SEMA5A: variants seen among roughly 807,000 people sequenced by gnomAD.
SEMA5A encodes semaphorin-5A.
A neutral mutation model predicts 135.5 loss-of-function variants in SEMA5A; 55 were observed. That is an observed-to-expected ratio of 0.41 (90% confidence interval 0.33 to 0.51). The LOEUF is 0.51. Ranked by LOEUF, SEMA5A falls within the 20% of genes least tolerant of loss-of-function variation. The probability of loss-of-function intolerance (pLI) is 0.37; values close to 1 mark genes in which losing one functional copy is unlikely to be tolerated. For synonymous variants in SEMA5A, 580 were observed against 546.5 expected (o/e 1.06, Z -0.85); for missense variants, 1,290 against 1,419.9 (o/e 0.91, Z 1.47).
chr5:9,317,322 G>A lies in SEMA5A; in HGVS notation c.270+1050C>T, dbSNP rs190216966. Among the ~76,000 whole-genome samples the A allele has an allele frequency of 2.0e-3, 308 of 151,938 alleles. 5 individuals carry two copies. The highest frequency in any genetic ancestry group is 6.6e-3 in the African/African-American group (273 of 41,452). On this transcript the variant is annotated intron_variant, in intron 5 of 22. Transcript: ENST00000382496. Reference sequence around the variant, plus strand: ...TTGCAATGTTTTATCTCTTTTGAACGTCTTACTTATTTTTCGCCATGCTAG... The same window carrying A: ...TTGCAATGTTTTATCTCTTTTGAACATCTTACTTATTTTTCGCCATGCTAG...
At chr5:9,385,693 C>A (rs76977509) in intron 2 of SEMA5A, among the ~76,000 whole-genome samples, 11 of 151,468 alleles carry the variant, frequency 7.3e-5, no homozygotes, top group Non-Finnish European at 1.5e-4. Context: ...AAGGCTGAAG[C>A]GATTGCTGCA....
At chr5:9,501,786 C>T (rs1364550054) in intron 1 of SEMA5A, among the ~76,000 whole-genome samples, 1 of 152,194 alleles carries the variant, frequency 6.6e-6, no homozygotes, top group Non-Finnish European at 1.5e-5. Context: ...ACTCAGGACA[C>T]ATAGCTGTTA....
intron 1 of SEMA5A, among the ~76,000 whole-genome samples, chr5:9,488,021 T>C (rs1426860809): frequency 1.3e-5 from 2 of 152,186 alleles, no homozygotes; most frequent in South Asian, 4.1e-4. Flanking sequence ...TTTATCCAGC[T>C]GTATTGCATA....
At chr5:9,424,486 C>T (rs145056888) in intron 2 of SEMA5A, among the ~76,000 whole-genome samples, 297 of 152,336 alleles carry the variant, frequency 1.9e-3, no homozygotes, top group Middle Eastern at 3.4e-3. Context: ...GGATTTCAAA[C>T]ATACTGCCAA....
intron 1 of SEMA5A, among the ~76,000 whole-genome samples, chr5:9,526,000 A>G (rs1737102504): frequency 6.6e-6 from 1 of 152,208 alleles, no homozygotes; most frequent in African/African-American, 2.4e-5. Context: ...CACTTTAAAG[A>G]TTTATAGAGA....
intron 5 of SEMA5A, among the ~76,000 whole-genome samples, chr5:9,267,115 T>C (rs1749723317): frequency 6.6e-6 from 1 of 151,466 alleles, no homozygotes; most frequent in Non-Finnish European, 1.5e-5. Flanking sequence ...TTCGAACAGC[T>C]CTCTGAGTCC....
At chr5:9,380,052 T>C (rs914287598) in intron 2 of SEMA5A, 29 bp from the exon 3 acceptor site, 1 of 1,426,090 alleles carries the variant, frequency 7.0e-7, no homozygotes. Context: ...AAGAATCAGA[T>C]GACTGTGAGT....
intron 8 of SEMA5A, among the ~76,000 whole-genome samples, chr5:9,219,047 C>A (rs1230244560): frequency 1.3e-5 from 2 of 152,222 alleles, no homozygotes; most frequent in Non-Finnish European, 1.5e-5. Flanking sequence ...AGTCAGTGAT[C>A]TGCAGTATGC....
intron 3 of SEMA5A, 69 bp downstream of exon 3, chr5:9,379,754 C>A (rs1220935758): frequency 1.1e-5 from 17 of 1,568,344 alleles, no homozygotes; most frequent in Non-Finnish European, 1.5e-5. Flanking sequence ...GCTCTATTAT[C>A]TTCTATCACT....
At chr5:9,371,745 G>C (rs181186051) in intron 3 of SEMA5A, among the ~76,000 whole-genome samples, 4 of 152,170 alleles carry the variant, frequency 2.6e-5, no homozygotes, top group Admixed American at 6.5e-5. Flanking sequence ...TGGAACAAAG[G>C]ATATTTAAGG....
Position 9,137,532 on chromosome 5 carries a change from G to A in SEMA5A, c.1482-911C>T, listed in dbSNP as rs79143521. On this transcript the variant is annotated intron_variant, in intron 12 of 22. Coordinates refer to ENST00000382496, the MANE Select transcript of SEMA5A (RefSeq NM_003966.3). ...ATACAGAAGATAATGTCATGGGCAC[G>A]CAGGACATTGAACCTGGGAATTCTG... 8.2e-3 allele frequency among the ~76,000 whole-genome samples: 1,241 copies of A among 152,258 alleles called. 22 individuals carry two copies. Among genetic ancestry groups the A allele is most frequent in the African/African-American group, 0.029 (1,198 of 41,554 alleles).
At chr5:9,139,874 C>G (rs192041776) in intron 12 of SEMA5A, among the ~76,000 whole-genome samples, 8 of 152,162 alleles carry the variant, frequency 5.3e-5, no homozygotes, top group African/African-American at 1.9e-4. Context: ...ATCACTCCCC[C>G]GATTCCTTCT....
intron 21 of SEMA5A, chr5:9,046,061 T>G (rs1327556437): frequency 1.3e-5 from 2 of 152,248 alleles, no homozygotes; most frequent in African/African-American, 4.8e-5. Context: ...CAGGGCCTTA[T>G]CTTCCTCTGT....
At chr5:9,530,025 T>C (rs908864135) in intron 1 of SEMA5A, among the ~76,000 whole-genome samples, 8 of 152,174 alleles carry the variant, frequency 5.3e-5, no homozygotes, top group Non-Finnish European at 1.2e-4. Context: ...CAGCACAGGC[T>C]CTGAAGAGCA....
intron 3 of SEMA5A, among the ~76,000 whole-genome samples, chr5:9,362,219 C>T (rs1579414302): frequency 6.6e-6 from 1 of 152,202 alleles, no homozygotes; most frequent in African/African-American, 2.4e-5. Flanking sequence ...TTCTCCCATC[C>T]CTGAGCATGT....
intron 3 of SEMA5A, among the ~76,000 whole-genome samples, chr5:9,362,513 G>A (rs888279675): frequency 1.6e-4 from 25 of 152,144 alleles, no homozygotes; most frequent in African/African-American, 3.9e-4. Flanking sequence ...GTTTGAATGC[G>A]ATTCCAATGT....
intron 1 of SEMA5A, among the ~76,000 whole-genome samples, chr5:9,537,433 A>G (rs1013241382): frequency 6.6e-5 from 10 of 152,314 alleles, no homozygotes; most frequent in African/African-American, 2.4e-4. Context: ...ACCTACCTAA[A>G]CAGTATTTTA....
chr5:9,160,925 T>C (rs1477377215), intron 11 of SEMA5A, among the ~76,000 whole-genome samples: 1 of 152,144 alleles, frequency 6.6e-6, no homozygotes, highest in Non-Finnish European at 1.5e-5. Context: ...ACAATGCTTA[T>C]CAAAAGACAG....
intron 1 of SEMA5A, among the ~76,000 whole-genome samples, chr5:9,488,821 A>G (rs918563997): frequency 4.6e-5 from 7 of 152,210 alleles, no homozygotes; most frequent in Non-Finnish European, 1.0e-4. Flanking sequence ...TTTGGAAAGA[A>G]GAATGTTAGA....
Sources: allele counts gnomAD v4.1 joint callset (sites outside exome capture counted in the v4.1 genomes callset), GRCh38; gene constraint gnomAD v4.1.1; transcripts MANE v1.5; gene names NCBI Gene and HGNC (gene_info 2026-07-23, HGNC 2026-07-21).